The following GLIS3 variants were observed in gnomAD, a reference collection of about 807,000 sequenced individuals.
The protein encoded by GLIS3 is zinc finger protein GLIS3.
In GLIS3, 53 loss-of-function variants were observed where a neutral mutation model predicts 78.6. The ratio of observed to expected loss-of-function variants is 0.67; its 90% CI spans 0.54 to 0.85. GLIS3 has a LOEUF of 0.85. Ranked by LOEUF, GLIS3 falls within the 40% of genes least tolerant of loss-of-function variation. The pLI is 0.00. For synonymous variants in GLIS3, 684 were observed against 509.9 expected (o/e 1.34, Z -4.60); for missense variants, 1,703 against 1,231.1 (o/e 1.38, Z -5.74).
chr9:4,223,347 C>G (rs925317381), intron 2 of GLIS3, among the ~76,000 whole-genome samples: 1 of 152,188 alleles, frequency 6.6e-6, no homozygotes, highest in Admixed American at 6.5e-5. Context: ...CCTAACACTG[C>G]TTCTAATATT....
intron 6 of GLIS3, among the ~76,000 whole-genome samples, chr9:3,909,961 T>C (rs1165613869): frequency 6.6e-6 from 1 of 152,226 alleles, no homozygotes; most frequent in Non-Finnish European, 1.5e-5. Flanking sequence ...AAACTTATAG[T>C]AATGAAGTGC....
chr9:4,118,913 A>G lies in GLIS3; in HGVS notation c.597-32T>C, dbSNP rs764779697. 2.4e-5 allele frequency: 39 copies of G among 1,594,838 alleles called. No homozygotes were observed. In the South Asian group the frequency reaches 4.2e-4, roughly 17 times the overall value. Reference sequence around the variant, plus strand: ...CAGCAGCCAGAAAGGAAGAAAAAAAAAAGATAAACATTTTAGCAGGATACG... The same window carrying G: ...CAGCAGCCAGAAAGGAAGAAAAAAAGAAGATAAACATTTTAGCAGGATACG... On this transcript the variant is annotated intron_variant, in intron 3 of 10. Transcript: ENST00000381971. The surrounding 1 kb of genome is among the most constrained non-coding windows in gnomAD (Gnocchi z 4.7).
chr9:3,840,431 C>T (rs964091480), intron 9 of GLIS3, among the ~76,000 whole-genome samples: 1 of 152,124 alleles, frequency 6.6e-6, no homozygotes, highest in Non-Finnish European at 1.5e-5. Flanking sequence ...ACTGACTCTT[C>T]ATTTTAATAC....
At chr9:4,020,684 T>C (rs909168337) in intron 4 of GLIS3, among the ~76,000 whole-genome samples, 1 of 152,234 alleles carries the variant, frequency 6.6e-6, no homozygotes, top group South Asian at 2.1e-4. Flanking sequence ...CTTCCAGCTA[T>C]GAGATGCATT....
chr9:4,201,957 G>C (rs971016448), intron 2 of GLIS3, among the ~76,000 whole-genome samples: 1 of 152,002 alleles, frequency 6.6e-6, no homozygotes, highest in Non-Finnish European at 1.5e-5. Context: ...CCAGTGTATA[G>C]TGAAACCCCA....
intron 2 of GLIS3, among the ~76,000 whole-genome samples, chr9:4,139,687 G>T (rs530275084): frequency 6.6e-6 from 1 of 152,226 alleles, no homozygotes; most frequent in Admixed American, 6.5e-5. Context: ...CGGTTGGGTG[G>T]GGTTCAGGAT....
At chr9:4,434,838 G>A in the GLIS3 span, among the ~76,000 whole-genome samples, 4 of 152,282 alleles carry the variant, frequency 2.6e-5, no homozygotes, top group South Asian at 8.3e-4. Context: ...AAGCAAGTGG[G>A]ATGCTGACTA....
intron 2 of GLIS3, among the ~76,000 whole-genome samples, chr9:4,182,869 C>T (rs1563712700): frequency 6.6e-6 from 1 of 152,216 alleles, no homozygotes; most frequent in Non-Finnish European, 1.5e-5. Flanking sequence ...ATGTATCACC[C>T]TGTCTGATTC....
chr9:4,006,209 C>T (rs1308899159), intron 4 of GLIS3, among the ~76,000 whole-genome samples: 2 of 150,650 alleles, frequency 1.3e-5, no homozygotes, highest in South Asian at 2.1e-4. Context: ...CTCTCTTTTT[C>T]ACGCTCCTTG....
At chr9:3,918,791 A>C (rs542399876) in intron 6 of GLIS3, among the ~76,000 whole-genome samples, 1 of 152,206 alleles carries the variant, frequency 6.6e-6, no homozygotes, top group Admixed American at 6.5e-5. Context: ...TCTTGTCTAT[A>C]TAATCAATTT....
intron 2 of GLIS3, among the ~76,000 whole-genome samples, chr9:4,183,808 A>G (rs1817538664): frequency 6.6e-6 from 1 of 152,174 alleles, no homozygotes; most frequent in African/African-American, 2.4e-5. Context: ...TGTTTATTTG[A>G]TTCTTTCACA....
the GLIS3 span, among the ~76,000 whole-genome samples, chr9:4,395,762 CTTTTTTCT>C: frequency 1.8e-4 from 25 of 138,262 alleles, no homozygotes; most frequent in African/African-American, 4.6e-4. Flanking sequence ...TCACCATTTT[CTTTTTTCT>C]TTTTTTCTTT....
At chr9:4,267,000 T>G (rs1826072408) in intron 2 of GLIS3, among the ~76,000 whole-genome samples, 1 of 152,194 alleles carries the variant, frequency 6.6e-6, no homozygotes, top group Admixed American at 6.5e-5. Context: ...ATAGACTCAA[T>G]TCTTTCCTAA....
the GLIS3 span, among the ~76,000 whole-genome samples, chr9:4,368,603 G>A: frequency 6.6e-6 from 1 of 152,182 alleles, no homozygotes; most frequent in East Asian, 1.9e-4. Context: ...CACCCGCCTC[G>A]GCCTCCCAAA....
At chr9:4,356,823 G>A in the GLIS3 span, among the ~76,000 whole-genome samples, 1 of 152,110 alleles carries the variant, frequency 6.6e-6, no homozygotes, top group Non-Finnish European at 1.5e-5. Context: ...AAGCCTTTTG[G>A]ATGTAAAATG....
chr9:3,853,932 C>T (rs1283776475), intron 9 of GLIS3, among the ~76,000 whole-genome samples: 1 of 152,172 alleles, frequency 6.6e-6, no homozygotes, highest in African/African-American at 2.4e-5. Flanking sequence ...CTGTGAAATG[C>T]TCCATTACTC....
the GLIS3 span, among the ~76,000 whole-genome samples, chr9:4,357,848 T>C: frequency 6.6e-6 from 1 of 152,334 alleles, no homozygotes; most frequent in Admixed American, 6.5e-5. Flanking sequence ...CCATTGAATC[T>C]GTGTCAATGG....
At chr9:4,155,060 C>T (rs569138385) in intron 2 of GLIS3, among the ~76,000 whole-genome samples, 1 of 152,114 alleles carries the variant, frequency 6.6e-6, no homozygotes, top group African/African-American at 2.4e-5. Context: ...CATGTATTTG[C>T]TTACTAAAAT....
At chr9:4,125,034 G>T (rs1832467025) in intron 3 of GLIS3, among the ~76,000 whole-genome samples, 1 of 152,170 alleles carries the variant, frequency 6.6e-6, no homozygotes, top group African/African-American at 2.4e-5. Context: ...GTCTGAGGGG[G>T]TGATTTCCCT....
Sources: allele counts gnomAD v4.1 joint callset (sites outside exome capture counted in the v4.1 genomes callset), GRCh38; gene constraint gnomAD v4.1.1; non-coding constraint Gnocchi (gnomAD v3.1); transcripts MANE v1.5; gene names NCBI Gene and HGNC (gene_info 2026-07-23, HGNC 2026-07-21).